PRKCA: variants seen among roughly 807,000 people sequenced by gnomAD.
The protein encoded by PRKCA is protein kinase C alpha type.
In PRKCA, 27 loss-of-function variants were observed where a neutral mutation model predicts 87.0. That is an observed-to-expected ratio of 0.31 (90% CI 0.23 to 0.43). The LOEUF is 0.43. PRKCA is among the 20% of genes least tolerant of loss of function. PRKCA has a pLI of 1.00. For missense variants in PRKCA, 518 were observed against 852.3 expected (o/e 0.61, Z 4.88); for synonymous variants, 329 against 311.1 (o/e 1.06, Z -0.61).
intron 5 of PRKCA, among the ~76,000 whole-genome samples, chr17:66,683,129 C>T (rs1226727283): frequency 6.6e-6 from 1 of 152,204 alleles, no homozygotes; most frequent in African/African-American, 2.4e-5. Context: ...GACAGAAGAT[C>T]TCAGGCAACT....
intron 5 of PRKCA, among the ~76,000 whole-genome samples, chr17:66,683,436 T>C (rs1972542450): frequency 6.6e-6 from 1 of 152,232 alleles, no homozygotes. Flanking sequence ...AAGATCCTGG[T>C]GCCTGGGTGT....
intron 2 of PRKCA, among the ~76,000 whole-genome samples, chr17:66,449,018 C>T (rs1480905618): frequency 6.7e-6 from 1 of 148,596 alleles, no homozygotes; most frequent in Non-Finnish European, 1.5e-5. Context: ...GGTGAGGTGG[C>T]TCATGCCTGT....
chr17:66,521,877 A>G (rs941102002), intron 3 of PRKCA, among the ~76,000 whole-genome samples: 1 of 152,200 alleles, frequency 6.6e-6, no homozygotes, highest in African/African-American at 2.4e-5. Context: ...GGAAATAGGG[A>G]CACCTGGTTT....
At chr17:66,495,060 C>T (rs1176836569) in intron 2 of PRKCA, among the ~76,000 whole-genome samples, 1 of 150,952 alleles carries the variant, frequency 6.6e-6, no homozygotes, top group Non-Finnish European at 1.5e-5. Flanking sequence ...CAAGATCACC[C>T]CACTGCACTC....
At chr17:66,648,557 G>T (rs1971510276) in intron 5 of PRKCA, among the ~76,000 whole-genome samples, 1 of 152,162 alleles carries the variant, frequency 6.6e-6, no homozygotes, top group Admixed American at 6.5e-5. Flanking sequence ...GTTTCCATAA[G>T]AATTGGAATC....
rs554788254 is a variant in PRKCA, at chr17:66,633,140, G to A, written c.289-8215G>A. 2.6e-5 allele frequency among the ~76,000 whole-genome samples: 4 copies of A among 152,306 alleles called. No homozygotes were observed. In the South Asian group the frequency reaches 8.3e-4, roughly 32 times the overall value. On this transcript the variant is annotated intron_variant, in intron 3 of 16. Coordinates refer to ENST00000413366, the MANE Select transcript of PRKCA (RefSeq NM_002737.3). ...ATGGAGAGTGGGCCAGGCAGACCCA[G>A]CCGCCTGAGAAGGGGCATGGCAGCT...
At chr17:66,735,920 C>CTTTTTTT (rs5821508) in intron 10 of PRKCA, among the ~76,000 whole-genome samples, 10 of 122,106 alleles carry the variant, frequency 8.2e-5, no homozygotes, top group Non-Finnish European at 1.3e-4. Flanking sequence ...TTCTTTCTTT[C>CTTTTTTT]TTTTTTTTTT....
intron 2 of PRKCA, among the ~76,000 whole-genome samples, chr17:66,342,283 G>A (rs931740379): frequency 1.3e-5 from 2 of 151,976 alleles, no homozygotes; most frequent in Admixed American, 6.6e-5. Flanking sequence ...TCAGGTGGAC[G>A]TGGTGGCGCA....
In PRKCA at chr17:66,689,045, G is replaced by A. The variant is rs1355720093; in HGVS notation, c.916G>A (p.Glu306Lys). 1.9e-6 allele frequency: 3 copies of A among 1,587,236 alleles called. No homozygotes were observed. Among genetic ancestry groups the A allele is most frequent in the Non-Finnish European group, 2.6e-6 (3 of 1,164,468 alleles). The change falls in exon 8 of 17, where the codon GAG becomes AAG. Residue 306 changes from glutamate (E) to lysine (K), a missense_variant and splice_region_variant. By Grantham distance (56) the Glu-to-Lys change is moderately conservative. This residue lies in a region of PRKCA where 300 missense variants were observed against 496.8 expected (regional missense o/e 0.60). Coordinates refer to ENST00000413366, the MANE Select transcript of PRKCA (RefSeq NM_002737.3). This position sits in a 1 kb window ranked among gnomAD's most constrained non-coding sequence, Gnocchi z 4.1. ...EGNMELRQKF[E>K]KAKLGPAGNK... ...AAACATGGAACTCAGGCAGAAATTCGAGGTGAGGATAACAAAATGCCCGGA... is the reference window on the plus strand; with the variant it reads ...AAACATGGAACTCAGGCAGAAATTCAAGGTGAGGATAACAAAATGCCCGGA...
chr17:66,409,937 A>G (rs1434864690), intron 2 of PRKCA, among the ~76,000 whole-genome samples: 7 of 152,184 alleles, frequency 4.6e-5, no homozygotes. Context: ...ATAAATAAAT[A>G]AAAGAGAAGA....
intron 3 of PRKCA, among the ~76,000 whole-genome samples, chr17:66,535,516 A>AT (rs1239869169): frequency 6.6e-6 from 1 of 152,046 alleles, no homozygotes; most frequent in East Asian, 1.9e-4. Flanking sequence ...CCTCTAACTG[A>AT]TGGGGTGGGT....
intron 3 of PRKCA, among the ~76,000 whole-genome samples, chr17:66,513,992 G>C (rs4375700): frequency 0.49 from 74,664 of 151,972 alleles, 18,733 homozygotes; most frequent in East Asian, 0.76. Context: ...CCCCACTTAT[G>C]TGTGGTTTCA....
At chr17:66,676,118 G>A (rs560465590) in intron 5 of PRKCA, among the ~76,000 whole-genome samples, 12 of 152,240 alleles carry the variant, frequency 7.9e-5, no homozygotes, top group Admixed American at 7.2e-4. Flanking sequence ...CGACGTGAGG[G>A]AACTGGCAGC....
Position 66,735,659 on chromosome 17 carries a change from A to C in PRKCA, c.1227A>C (p.Thr409=), listed in dbSNP as rs1223576896. ...CGCAGCTGCACTCCTGCTTCCAGAC[A>C]GTGGTAAGGACCCTGGGAATCCCTG... is the stretch of plus-strand genomic sequence containing the variant. ...FLTQLHSCFQ[T]VDRLYFVMEY... The change falls in exon 10 of 17, where the codon ACA becomes ACC. Residue 409 remains threonine, a synonymous_variant. Transcript: ENST00000413366. The C allele has an allele frequency of 1.2e-6, 2 of 1,613,632 alleles. No individual in the cohort carries two copies. Among genetic ancestry groups the C allele is most frequent in the Non-Finnish European group, 1.7e-6 (2 of 1,179,838 alleles).
chr17:66,350,371 G>C (rs2143416738), intron 2 of PRKCA, among the ~76,000 whole-genome samples: 2 of 152,152 alleles, frequency 1.3e-5, no homozygotes, highest in South Asian at 4.2e-4. Context: ...GGTGTCCGTG[G>C]ACCCACAGGA....
chr17:66,716,706 G>A (rs977864543), intron 8 of PRKCA, among the ~76,000 whole-genome samples: 1 of 152,088 alleles, frequency 6.6e-6, no homozygotes, highest in South Asian at 2.1e-4. Flanking sequence ...ATCACACACC[G>A]GGATACTAGA....
rs370698954 is a variant in PRKCA at position 66,304,263 on chromosome 17, A to G, written c.173+1239A>G. Among the ~76,000 whole-genome samples the G allele has an allele frequency of 6.6e-5, 10 of 152,196 alleles. No homozygotes were observed. The East Asian group carries it at 7.7e-4, about 12-fold the overall frequency. ...ATCTTTTTCCTGGTGAGAGAATTAC[A>G]GCTTTCATCTGATCCTCAAAAGGTG... On this transcript the variant is annotated intron_variant, in intron 1 of 16. Coordinates refer to ENST00000413366, the MANE Select transcript of PRKCA (RefSeq NM_002737.3).
chr17:66,381,431 T>G (rs1390362779), intron 2 of PRKCA, among the ~76,000 whole-genome samples: 2 of 152,148 alleles, frequency 1.3e-5, no homozygotes, highest in Admixed American at 1.3e-4. Flanking sequence ...GGTGGAAGGT[T>G]CAGGATGACA....
rs79583211 is a variant in PRKCA at position 66,322,617 on chromosome 17, C to T, written c.205+16490C>T. ...AGCTAGGACCACAGGCAGCTCTCAC[C>T]GTGCCCAGCTAATTTTTAATTGTTT... On this transcript the variant is annotated intron_variant, in intron 2 of 16. Transcript: ENST00000413366. Among the ~76,000 whole-genome samples, 771 of 150,618 alleles carry T rather than the reference C, an allele frequency of 5.1e-3. 5 individuals are homozygous for T. Among genetic ancestry groups the T allele is most frequent in the Admixed American group, 9.1e-3 (138 of 15,140 alleles).
Sources: gnomAD v4.1 joint callset for allele counts (sites outside exome capture counted in the v4.1 genomes callset) on GRCh38, gnomAD v4.1.1 for gene constraint, gnomAD v4.1.1 regional missense constraint, Gnocchi (gnomAD v3.1) non-coding constraint, MANE v1.5 for transcripts, NCBI Gene and HGNC (gene_info 2026-07-23, HGNC 2026-07-21) for gene names.